ATP8B4: variants seen among roughly 807,000 people sequenced by gnomAD.
ATP8B4 encodes the protein ATPase phospholipid transporting 8B4 (putative).
A neutral mutation model predicts 145.6 loss-of-function variants in ATP8B4; 133 were observed. That is an observed-to-expected ratio of 0.91 (90% CI 0.79 to 1.05). The LOEUF (loss-of-function observed/expected upper bound fraction) is 1.05. ATP8B4 is among the 50% of genes least tolerant of loss of function. ATP8B4 has a pLI of 0.00. For missense variants in ATP8B4, 1,458 were observed against 1,425.2 expected, an observed-to-expected ratio of 1.02 and a Z score of -0.37; for synonymous variants, 507 against 492.9, an observed-to-expected ratio of 1.03 and a Z score of -0.38.
At chr15:49,983,939 A>T (rs2046377308) in intron 10 of ATP8B4, among the ~76,000 whole-genome samples, 1 of 152,168 alleles carries the variant, frequency 6.6e-6, no homozygotes, top group African/African-American at 2.4e-5. Flanking sequence ...CTCCTACCAT[A>T]CTGAAAATCA....
In ATP8B4 at chr15:49,986,709, G is replaced by T. The variant is rs145116768; in HGVS notation, c.748+682C>A. On this transcript the variant is annotated intron_variant, in intron 10 of 27. Transcript: ENST00000284509. Reference sequence around the variant, plus strand: ...ATAAACAGGACTTTTAAAATCAAGGGCTGGCAATTGAAGCCATGAGTACAA... The same window carrying T: ...ATAAACAGGACTTTTAAAATCAAGGTCTGGCAATTGAAGCCATGAGTACAA... Among the ~76,000 whole-genome samples the T allele has an allele frequency of 4.7e-3, 723 of 152,330 alleles. 5 individuals are homozygous for T. Among genetic ancestry groups the T allele is most frequent in the African/African-American group, 0.017 (695 of 41,578 alleles).
intron 1 of ATP8B4, among the ~76,000 whole-genome samples, chr15:50,130,774 C>CA (rs982056265): frequency 2.0e-5 from 3 of 150,732 alleles, no homozygotes; most frequent in Non-Finnish European, 3.0e-5. Flanking sequence ...GGCTCTGACT[C>CA]AAAAAAAATT....
chr15:50,136,179 G>T (rs28695746), intron 1 of ATP8B4, among the ~76,000 whole-genome samples: 4,495 of 152,206 alleles, frequency 0.03, 222 homozygotes, highest in African/African-American at 0.1. Context: ...TATGAGGGCC[G>T]TGTGTCTGGC....
chr15:49,996,242 A>C (rs997993845), intron 9 of ATP8B4, among the ~76,000 whole-genome samples: 4 of 152,136 alleles, frequency 2.6e-5, no homozygotes, highest in African/African-American at 9.7e-5. Flanking sequence ...CAAGGTACTG[A>C]AATACATGAG....
intron 1 of ATP8B4, among the ~76,000 whole-genome samples, chr15:50,158,525 T>TG (rs1471230520): frequency 3.4e-5 from 5 of 148,274 alleles, no homozygotes; most frequent in Middle Eastern, 3.6e-3. Context: ...GTCCGGGAGG[T>TG]GGGGGGCGCC....
At chr15:50,133,476 T>TTAG (rs2044076672) in intron 1 of ATP8B4, among the ~76,000 whole-genome samples, 1 of 151,744 alleles carries the variant, frequency 6.6e-6, no homozygotes, top group African/African-American at 2.4e-5. Flanking sequence ...TCCCAGCTAC[T>TTAG]CAGGAGGCTG....
At chr15:50,118,734 T>C (rs928008398) in intron 1 of ATP8B4, among the ~76,000 whole-genome samples, 5 of 152,018 alleles carry the variant, frequency 3.3e-5, no homozygotes, top group Non-Finnish European at 7.4e-5. Flanking sequence ...CCATAAACAA[T>C]ATATTGAATA....
At chr15:50,091,535 T>C (rs2055611706) in intron 2 of ATP8B4, among the ~76,000 whole-genome samples, 1 of 152,160 alleles carries the variant, frequency 6.6e-6, no homozygotes, top group Admixed American at 6.5e-5. Flanking sequence ...CCAATGAATG[T>C]ATCCAACATA....
intron 20 of ATP8B4, among the ~76,000 whole-genome samples, chr15:49,913,124 C>CTT (rs543634812): frequency 7.2e-6 from 1 of 139,406 alleles, no homozygotes; most frequent in African/African-American, 2.9e-5. Context: ...GAGCACCTGG[C>CTT]TTTTTTTTTT....
intron 23 of ATP8B4, among the ~76,000 whole-genome samples, chr15:49,892,234 T>A (rs2036906097): frequency 6.6e-6 from 1 of 152,170 alleles, no homozygotes; most frequent in African/African-American, 2.4e-5. Flanking sequence ...TCAAGAGAAC[T>A]TTCTTAAAGT....
chr15:50,098,485 T>A (rs1321890599), intron 2 of ATP8B4, among the ~76,000 whole-genome samples: 1 of 151,658 alleles, frequency 6.6e-6, no homozygotes, highest in African/African-American at 2.4e-5. Flanking sequence ...GGTATTGCTA[T>A]GTGGCCCAGG....
chr15:50,138,449 GACAGATGATAGA>G (rs2044161973), intron 1 of ATP8B4, among the ~76,000 whole-genome samples: 1 of 151,848 alleles, frequency 6.6e-6, no homozygotes, highest in Non-Finnish European at 1.5e-5. Context: ...ATGATAGATA[GACAGATGATAGA>G]CAGATAGATA....
intron 1 of ATP8B4, among the ~76,000 whole-genome samples, chr15:50,111,699 C>T (rs1173157442): frequency 6.6e-6 from 1 of 152,192 alleles, no homozygotes; most frequent in African/African-American, 2.4e-5. Flanking sequence ...GCTCTGTAAA[C>T]CTCAGAGCCA....
chr15:50,056,708 T>C (rs1198211368), intron 3 of ATP8B4, among the ~76,000 whole-genome samples: 2 of 141,160 alleles, frequency 1.4e-5, no homozygotes, highest in Non-Finnish European at 3.1e-5. Context: ...TGTGTATATA[T>C]ATATATATAC....
intron 27 of ATP8B4, 126 bp downstream of exon 27, chr15:49,862,119 G>T: frequency 8.3e-7 from 1 of 1,205,906 alleles, no homozygotes; most frequent in Non-Finnish European, 1.2e-6. Flanking sequence ...GTGATCTCAT[G>T]CACCAGTAGG....
At chr15:50,123,817 T>A (rs1478410064), upstream of ATP8B4, among the ~76,000 whole-genome samples, 1 of 152,160 alleles carries the variant, frequency 6.6e-6, no homozygotes, top group Non-Finnish European at 1.5e-5. Flanking sequence ...CCAGTTTTTT[T>A]CATCCTGATC....
At chr15:49,882,838 G>T (rs1302696392) in intron 23 of ATP8B4, among the ~76,000 whole-genome samples, 1 of 152,216 alleles carries the variant, frequency 6.6e-6, no homozygotes, top group South Asian at 2.1e-4. Flanking sequence ...TATATTTCTT[G>T]CACTGGATCA....
intron 20 of ATP8B4, among the ~76,000 whole-genome samples, chr15:49,910,134 C>T (rs1697998546): frequency 1.3e-5 from 2 of 151,532 alleles, no homozygotes; most frequent in African/African-American, 4.8e-5. Flanking sequence ...GAGAAATTTA[C>T]CAAAGAGGTA....
intron 6 of ATP8B4, among the ~76,000 whole-genome samples, chr15:50,031,295 T>C (rs1225199674): frequency 2.0e-5 from 3 of 152,210 alleles, no homozygotes; most frequent in African/African-American, 7.2e-5. Context: ...TCTGTTCCTA[T>C]AGACCCTAAA....
Sources: allele counts gnomAD v4.1 joint callset (sites outside exome capture counted in the v4.1 genomes callset), GRCh38; gene constraint gnomAD v4.1.1; transcripts MANE v1.5; gene names NCBI Gene and HGNC (gene_info 2026-07-23, HGNC 2026-07-21).